Variants in AP3B1 observed in about 807,000 individuals in gnomAD.
AP3B1 encodes adaptor related protein complex 3 subunit beta 1, also known as AP-3 complex subunit beta-1.
A neutral mutation model predicts 132.5 loss-of-function variants in AP3B1; 61 were observed. The observed-to-expected ratio is 0.46, with a 90% CI of 0.37 to 0.57. The LOEUF (loss-of-function observed/expected upper bound fraction) is 0.57, where lower values mean the gene tolerates loss of function less well. Among genes scored for constraint, AP3B1 ranks in the 20% least tolerant of loss-of-function variants. The pLI is 0.00. For synonymous variants in AP3B1, 388 were observed against 438.3 expected, an observed-to-expected ratio of 0.89 and a Z score of 1.43; for missense variants, 1,120 against 1,289.4, an observed-to-expected ratio of 0.87 and a Z score of 2.01.
intron 14 of AP3B1, among the ~76,000 whole-genome samples, chr5:78,143,255 A>G (rs1753230677): frequency 6.6e-6 from 1 of 152,116 alleles, no homozygotes; most frequent in South Asian, 2.1e-4. Flanking sequence ...ATATTCATGA[A>G]TATACTAAAA....
intron 1 of AP3B1, among the ~76,000 whole-genome samples, chr5:78,279,724 C>G (rs1205752775): frequency 6.6e-6 from 1 of 150,578 alleles, no homozygotes; most frequent in Non-Finnish European, 1.5e-5. Flanking sequence ...GCCTGGGCAA[C>G]ATAGGGAGAC....
chr5:78,030,182 A>T (rs1339079491), intron 24 of AP3B1, among the ~76,000 whole-genome samples: 1 of 152,098 alleles, frequency 6.6e-6, no homozygotes, highest in Non-Finnish European at 1.5e-5. Context: ...GCTGGAAAGC[A>T]GCGGCTATTC....
Position 78,240,876 on chromosome 5 carries a change from T to C in AP3B1, c.265A>G (p.Ser89Gly), listed in dbSNP as rs748322548. Residue 89 changes from serine (S) to glycine (G), a missense_variant, in exon 3 of 27, where the codon AGT becomes GGT. By Grantham distance (56) the Ser-to-Gly change is moderately conservative. This residue lies in a region of AP3B1 where 129 missense variants were observed against 212.4 expected (regional missense o/e 0.61). Coordinates refer to ENST00000255194, the MANE Select transcript of AP3B1 (RefSeq NM_003664.5). ...LFPAVVKNVA[S>G]KNIEIKKLVY... Reference sequence around the variant, plus strand: ...CAAAACAGTACCTCAATATTTTTACTGGCCACATTCTTCACAACAGCAGGA... The same window carrying C: ...CAAAACAGTACCTCAATATTTTTACCGGCCACATTCTTCACAACAGCAGGA... The C allele has an allele frequency of 2.5e-6, 4 of 1,612,242 alleles. No homozygotes were observed. Among genetic ancestry groups the C allele is most frequent in the South Asian group, 2.2e-5 (2 of 91,026 alleles).
At chr5:78,087,486 A>G (rs1240170620) in intron 22 of AP3B1, 9 of 958,812 alleles carry the variant, frequency 9.4e-6, no homozygotes, top group Non-Finnish European at 1.1e-5. Context: ...TTCTTTGTTT[A>G]AAGTTCTATT....
chr5:78,058,244 G>A (rs1014762944), intron 22 of AP3B1, among the ~76,000 whole-genome samples: 33 of 152,332 alleles, frequency 2.2e-4, no homozygotes, highest in African/African-American at 7.9e-4. Context: ...GCTCACGCCT[G>A]TAATCCCAGC....
intron 6 of AP3B1, among the ~76,000 whole-genome samples, chr5:78,217,125 T>C (rs1000328288): frequency 2.0e-5 from 3 of 152,176 alleles, no homozygotes; most frequent in Non-Finnish European, 4.4e-5. Context: ...TTCACTTTAG[T>C]GTCTAAAATT....
At chr5:78,159,715 T>C (rs937317263) in intron 13 of AP3B1, among the ~76,000 whole-genome samples, 1 of 152,218 alleles carries the variant, frequency 6.6e-6, no homozygotes, top group Non-Finnish European at 1.5e-5. Context: ...AGGTAACATA[T>C]TCACAGGTTC....
chr5:78,184,645 C>T (rs1210092195), intron 7 of AP3B1, among the ~76,000 whole-genome samples: 9 of 150,010 alleles, frequency 6.0e-5, no homozygotes, highest in Non-Finnish European at 2.9e-5. Flanking sequence ...CCGAGATTGG[C>T]CACTGCACTC....
intron 15 of AP3B1, among the ~76,000 whole-genome samples, chr5:78,139,126 A>G (rs1025713398): frequency 6.6e-6 from 1 of 152,054 alleles, no homozygotes; most frequent in Non-Finnish European, 1.5e-5. Flanking sequence ...AATAAACAGT[A>G]CTACATTTCA....
At chr5:78,230,880 G>A (rs1746618834) in intron 3 of AP3B1, among the ~76,000 whole-genome samples, 1 of 152,112 alleles carries the variant, frequency 6.6e-6, no homozygotes, top group Non-Finnish European at 1.5e-5. Context: ...CACTTTGGGA[G>A]GCTGAGACGA....
In AP3B1 at chr5:78,002,387, T is replaced by G. The variant is rs1481772970; in HGVS notation, c.*515A>C. The G allele has an allele frequency of 5.1e-6, 2 of 392,522 alleles. No individual in the cohort carries two copies. The highest frequency in any genetic ancestry group is 4.1e-5 in the African/African-American group (2 of 48,492). 24.3% of individuals were successfully genotyped at this position (392,522 alleles called of 1,614,324 possible). A position where few individuals can be genotyped will look rare whatever the true frequency, so the allele number is the denominator to read the frequency against. Reference sequence around the variant, plus strand: ...AGAGATAATTTCATGATGACAGTTATCAATAATCAATTACAATATCAAGAA... The same window carrying G: ...AGAGATAATTTCATGATGACAGTTAGCAATAATCAATTACAATATCAAGAA... On this transcript the variant is annotated 3_prime_UTR_variant, in exon 27 of 27. Coordinates refer to ENST00000255194, the MANE Select transcript of AP3B1 (RefSeq NM_003664.5).
intron 12 of AP3B1, 104 bp downstream of exon 12, chr5:78,165,506 A>G (rs1743576128): frequency 1.2e-6 from 1 of 802,744 alleles, no homozygotes; most frequent in Non-Finnish European, 2.1e-6. Context: ...TGTCCCAATC[A>G]CTATTTTATG....
intron 22 of AP3B1, among the ~76,000 whole-genome samples, chr5:78,058,228 G>A (rs1005344915): frequency 2.3e-4 from 35 of 152,252 alleles, no homozygotes; most frequent in African/African-American, 5.3e-4. Flanking sequence ...TAGGCCGGAC[G>A]CAGTGGCTCA....
intron 7 of AP3B1, among the ~76,000 whole-genome samples, chr5:78,204,331 T>C (rs180827417): frequency 1.1e-3 from 171 of 152,356 alleles, no homozygotes; most frequent in Non-Finnish European, 2.1e-3. Context: ...AAGTGTTTAC[T>C]GTTTTGTTAG....
chr5:78,112,456 T>C (rs1043134851), intron 19 of AP3B1, among the ~76,000 whole-genome samples: 8 of 152,228 alleles, frequency 5.3e-5, no homozygotes, highest in Admixed American at 2.6e-4. Flanking sequence ...GAAAAATCCA[T>C]TTCTGAAGAA....
chr5:78,025,377 AG>A (rs548749909), intron 24 of AP3B1, among the ~76,000 whole-genome samples: 153 of 152,246 alleles, frequency 1.0e-3, no homozygotes, highest in African/African-American at 3.5e-3. Flanking sequence ...AGCTGCTTGC[AG>A]GGGGTAGGGA....
At chr5:78,005,145 C>T (rs1396120143) in intron 26 of AP3B1, among the ~76,000 whole-genome samples, 4 of 152,152 alleles carry the variant, frequency 2.6e-5, no homozygotes, top group African/African-American at 7.2e-5. Context: ...CCCACAGATT[C>T]GGTCATCACG....
chr5:78,022,156 C>A (rs962032987), intron 24 of AP3B1, among the ~76,000 whole-genome samples: 4 of 152,074 alleles, frequency 2.6e-5, no homozygotes, highest in Non-Finnish European at 4.4e-5. Context: ...TGAAGGCAAA[C>A]CAATAAATCC....
intron 6 of AP3B1, among the ~76,000 whole-genome samples, chr5:78,225,300 A>AT (rs1236209556): frequency 1.3e-5 from 2 of 152,030 alleles, no homozygotes; most frequent in African/African-American, 4.8e-5. Flanking sequence ...CAGGTTAAAG[A>AT]TTTTTTTCTC....
Sources: allele counts gnomAD v4.1 joint callset (sites outside exome capture counted in the v4.1 genomes callset), GRCh38; gene constraint gnomAD v4.1.1; regional missense constraint gnomAD v4.1.1; transcripts MANE v1.5; gene names NCBI Gene and HGNC (gene_info 2026-07-23, HGNC 2026-07-21).